PKD1L3: variants seen among roughly 807,000 people sequenced by gnomAD.
PKD1L3 encodes the protein polycystin-1-like protein 3.
Under a neutral mutation model 184.1 loss-of-function variants are expected in PKD1L3, and 239 were observed. The observed-to-expected ratio is 1.30, with a 90% CI of 1.17 to 1.45. The LOEUF (loss-of-function observed/expected upper bound fraction) is 1.45, where lower values mean the gene tolerates loss of function less well. PKD1L3 is among the 40% of genes most tolerant of loss of function. The pLI is 0.00. For missense variants in PKD1L3, 2,660 were observed against 2,067.2 expected, an observed-to-expected ratio of 1.29 and a Z score of -5.56; for synonymous variants, 996 against 778.8, an observed-to-expected ratio of 1.28 and a Z score of -4.64.
chr16:71,975,571 T>G (rs2039887639), intron 11 of PKD1L3, among the ~76,000 whole-genome samples: 10 of 152,200 alleles, frequency 6.6e-5, no homozygotes, highest in Admixed American at 5.9e-4. Context: ...CTCATGGTGC[T>G]GTGAGCCTTA....
chr16:71,998,431 G>A (rs774204939), intron 1 of PKD1L3, 37 bp from the exon 2 acceptor site: 18 of 1,524,510 alleles, frequency 1.2e-5, no homozygotes, highest in Middle Eastern at 1.7e-4. Context: ...CCTCATACTC[G>A]AAAGCCAGGC....
At chr16:71,957,124 A>T (rs1303399281) in intron 16 of PKD1L3, among the ~76,000 whole-genome samples, 2 of 152,202 alleles carry the variant, frequency 1.3e-5, no homozygotes, top group Non-Finnish European at 2.9e-5. Context: ...AAAATAATTT[A>T]AAAATATATA....
chr16:71,979,794 T>A lies in PKD1L3; in HGVS notation c.1390A>T (p.Asn464Tyr). The stretch of plus-strand genomic sequence containing the variant: ...ATCAATTTCACACTCACTTGGACAT[T>A]AACTCCTGGATGTTTATTCAAGAGC... ...KELLNKHPGV[N>Y]VQITGLAFNP... Residue 464 changes from asparagine (N) to tyrosine (Y), a missense_variant, in exon 9 of 30, where the codon AAT becomes TAT. Asn to Tyr is a moderately radical substitution (Grantham distance 143). Coordinates refer to ENST00000620267, the MANE Select transcript of PKD1L3 (RefSeq NM_181536.2). 6.7e-7 allele frequency: 1 copy of A among 1,501,508 alleles called. No individual in the cohort carries two copies. The highest frequency in any genetic ancestry group is 1.3e-5 in the South Asian group (1 of 75,840). The allele number at this position is 1,501,508 out of a possible 1,614,324, so 93.0% of individuals were successfully genotyped here. A position where few individuals can be genotyped will look rare whatever the true frequency, so the allele number is the denominator to read the frequency against.
In PKD1L3 at chr16:71,933,343, CTGTTTT is replaced by C. The variant is rs760827067; in HGVS notation, c.4926+71_4926+76del. The C allele has an allele frequency of 9.7e-4, 999 of 1,032,960 alleles. 1 individual carries two copies. The highest frequency in any genetic ancestry group is 1.4e-3 in the Non-Finnish European group (929 of 675,044). The allele number at this position is 1,032,960 out of a possible 1,614,324, so 64.0% of individuals were successfully genotyped here. A position where few individuals can be genotyped will look rare whatever the true frequency, so the allele number is the denominator to read the frequency against. On this transcript the variant is annotated intron_variant, in intron 28 of 29. Transcript: ENST00000620267. ...CCAGTGTGCAGTGTACAGTAGGGGGCTGTTTTCATAAGGACCCCCCCAATTTTCCTT... is the reference window on the plus strand; with the variant it reads ...CCAGTGTGCAGTGTACAGTAGGGGGCCATAAGGACCCCCCCAATTTTCCTT...
At chr16:71,959,487 A>T (rs4788584) in intron 16 of PKD1L3, among the ~76,000 whole-genome samples, 118,646 of 152,134 alleles carry the variant, frequency 0.78, 46,509 homozygotes, top group East Asian at 0.97. Flanking sequence ...ATTGATATTA[A>T]TTATTTAATT....
At chr16:71,931,141 A>C (rs368955670) in intron 28 of PKD1L3, 2 of 152,112 alleles carry the variant, frequency 1.3e-5, no homozygotes, top group African/African-American at 4.8e-5. Context: ...TTTTATGTAC[A>C]ATTACATCCA....
intron 7 of PKD1L3, among the ~76,000 whole-genome samples, chr16:71,981,264 A>C (rs2143744372): frequency 6.6e-6 from 1 of 152,324 alleles, no homozygotes; most frequent in African/African-American, 2.4e-5. Flanking sequence ...TTGCTAGGTT[A>C]CATGGCGATT....
Position 71,933,403 on chromosome 16 carries a change from C to A in PKD1L3, c.4926+17G>T. On this transcript the variant is annotated intron_variant, in intron 28 of 29. Coordinates refer to ENST00000620267, the MANE Select transcript of PKD1L3 (RefSeq NM_181536.2). ...CAATATATTGAATTCTGTGAGGAAA[C>A]AAATTATTATTTTTACCTCCTCTTG... 6.6e-7 allele frequency: 1 copy of A among 1,511,720 alleles called. No homozygotes were observed. 93.6% of individuals were successfully genotyped at this position (1,511,720 alleles called of 1,614,324 possible).
chr16:71,934,933 A>G (rs2038122371), intron 26 of PKD1L3, among the ~76,000 whole-genome samples: 1 of 152,224 alleles, frequency 6.6e-6, no homozygotes, highest in Non-Finnish European at 1.5e-5. Context: ...GGCACCAAAA[A>G]TCTCTTAGTA....
At chr16:71,979,280 C>G (rs904106515) in intron 9 of PKD1L3, among the ~76,000 whole-genome samples, 1 of 152,100 alleles carries the variant, frequency 6.6e-6, no homozygotes, top group African/African-American at 2.4e-5. Flanking sequence ...CCCGCCTCTA[C>G]TAAAAATACA....
In PKD1L3 at chr16:72,000,335, G is replaced by T. The variant is rs1222126252; in HGVS notation, c.-357C>A. Among the ~76,000 whole-genome samples, 4 of 152,108 alleles carry T rather than the reference G, an allele frequency of 2.6e-5. No homozygotes were observed. Among genetic ancestry groups the T allele is most frequent in the African/African-American group, 9.7e-5 (4 of 41,414 alleles). On this transcript the variant is annotated 5_prime_UTR_variant, in exon 1 of 30. Coordinates refer to ENST00000620267, the MANE Select transcript of PKD1L3 (RefSeq NM_181536.2). ...TTAGTGCTGCTAAAAATTAATAAGT[G>T]TAGCTTTTTCTTTTCTGAGGCAGGG...
intron 4 of PKD1L3, 71 bp downstream of exon 4, chr16:71,990,209 C>G: frequency 7.6e-7 from 1 of 1,318,036 alleles, no homozygotes; most frequent in Non-Finnish European, 1.1e-6. Context: ...AGATAGAGCT[C>G]TAACCAGATC....
chr16:71,987,653 G>A (rs2040426018), intron 4 of PKD1L3, among the ~76,000 whole-genome samples: 1 of 152,060 alleles, frequency 6.6e-6, no homozygotes, highest in African/African-American at 2.4e-5. Flanking sequence ...GGGATTACAG[G>A]TGTGAGCCAC....
At chr16:71,938,836 C>T (rs1224394395) in intron 24 of PKD1L3, among the ~76,000 whole-genome samples, 2 of 152,226 alleles carry the variant, frequency 1.3e-5, no homozygotes, top group African/African-American at 4.8e-5. Context: ...CTCCACCTCT[C>T]TCACCCTCCA....
Position 71,934,123 on chromosome 16 carries a change from A to C in PKD1L3, c.4616T>G (p.Phe1539Cys), listed in dbSNP as rs375339944. 2 of 1,551,822 alleles carry C rather than the reference A, an allele frequency of 1.3e-6. No individual in the cohort carries two copies. Among genetic ancestry groups the C allele is most frequent in the Non-Finnish European group, 1.7e-6 (2 of 1,147,028 alleles). Residue 1539 changes from phenylalanine (F) to cysteine (C), a missense_variant and splice_region_variant, in exon 27 of 30, where the codon TTC (phenylalanine) becomes TGC (cysteine). Phe to Cys is a radical substitution (Grantham distance 205). Coordinates refer to ENST00000620267, the MANE Select transcript of PKD1L3 (RefSeq NM_181536.2). Reference sequence around the variant, plus strand: ...TTTTACTGCCTCATAGAAGCTGATGAATCTGCACCAAGGAAAGCTGACAGT... The same window carrying C: ...TTTTACTGCCTCATAGAAGCTGATGCATCTGCACCAAGGAAAGCTGACAGT... ...MARYRDDQDRFISFYEAVKVN... is the reference protein window; with the variant it reads ...MARYRDDQDRCISFYEAVKVN...
In PKD1L3 at chr16:71,934,070, C is replaced by T; in HGVS notation, c.4669G>A (p.Gly1557Ser). The change falls in exon 27 of 30, where the codon GGC becomes AGC. Residue 1557 changes from glycine to serine, a missense_variant. Gly to Ser is a moderately conservative substitution (Grantham distance 56, BLOSUM62 0). Coordinates refer to ENST00000620267, the MANE Select transcript of PKD1L3 (RefSeq NM_181536.2). ...ACAGTTGCCAGGAGAACCGGGAAGC[C>T]CACAAGGTGAGTCGCAGCAGAGTTC... Reference protein sequence around the residue: ...KVNSAATHLVGFPVLLATVQL... With the variant: ...KVNSAATHLVSFPVLLATVQL... 1 of 1,551,896 alleles carries T rather than the reference C, an allele frequency of 6.4e-7. No individual in the cohort carries two copies. The highest frequency in any genetic ancestry group is 1.2e-5 in the South Asian group (1 of 84,056).
At chr16:71,999,565 T>C (rs535562351) in intron 1 of PKD1L3, 119 bp downstream of exon 1, 4 of 1,011,944 alleles carry the variant, frequency 4.0e-6, no homozygotes, top group Admixed American at 3.5e-5. Context: ...GGTAATGAAG[T>C]AAAGTGACTG....
intron 5 of PKD1L3, among the ~76,000 whole-genome samples, chr16:71,984,751 C>T (rs1203568902): frequency 2.6e-5 from 4 of 151,948 alleles, no homozygotes; most frequent in African/African-American, 4.8e-5. Context: ...CCCAGCTACT[C>T]GGGAGGCTGA....
Position 71,943,033 on chromosome 16 carries a change from G to T in PKD1L3, c.3860-9C>A. On this transcript the variant is annotated splice_polypyrimidine_tract_variant and intron_variant, in intron 23 of 29. Coordinates refer to ENST00000620267, the MANE Select transcript of PKD1L3 (RefSeq NM_181536.2). ...AAGGAAGAGGATTTGTACTTGTTTAGAAGAGGAAAAAAATGTCATAGTTGA... is the reference window on the plus strand; with the variant it reads ...AAGGAAGAGGATTTGTACTTGTTTATAAGAGGAAAAAAATGTCATAGTTGA... The T allele has an allele frequency of 6.6e-7, 1 of 1,525,734 alleles. No homozygotes were observed. Among genetic ancestry groups the T allele is most frequent in the South Asian group, 1.2e-5 (1 of 81,926 alleles). 94.5% of individuals were successfully genotyped at this position (1,525,734 alleles called of 1,614,324 possible).
Sources: gnomAD v4.1 joint callset for allele counts (sites outside exome capture counted in the v4.1 genomes callset) on GRCh38, gnomAD v4.1.1 for gene constraint, MANE v1.5 for transcripts, NCBI Gene and HGNC (gene_info 2026-07-23, HGNC 2026-07-21) for gene names.